GPC5: variants seen among roughly 807,000 people sequenced by gnomAD.
GPC5 encodes the protein glypican 5.
Under a neutral mutation model 53.9 loss-of-function variants are expected in GPC5, and 47 were observed. The ratio of observed to expected loss-of-function variants is 0.87; its 90% CI spans 0.69 to 1.11. The LOEUF is 1.11. Ranked by LOEUF, GPC5 falls within the 50% of genes most tolerant of loss-of-function variation. The probability of loss-of-function intolerance (pLI) is 0.00; values close to 1 mark genes in which losing one functional copy is unlikely to be tolerated. For synonymous variants in GPC5, 286 were observed against 263.3 expected, an observed-to-expected ratio of 1.09 and a Z score of -0.84; for missense variants, 748 against 713.1, an observed-to-expected ratio of 1.05 and a Z score of -0.56.
chr13:91,946,594 G>A (rs1198481724), intron 6 of GPC5, among the ~76,000 whole-genome samples: 3 of 152,004 alleles, frequency 2.0e-5, no homozygotes, highest in Non-Finnish European at 4.4e-5. Flanking sequence ...ATTTACCTAC[G>A]TAGGTGCAAA....
rs144949785 is a variant in GPC5 at position 91,459,406 on chromosome 13, G to A, written c.325+10484G>A. On this transcript the variant is annotated intron_variant, in intron 2 of 7. Transcript: ENST00000377067. ...GGTGACTTGGGTGTTTGCAGTGGAG[G>A]TGGCAAGATGTGGTCAGCTTCTATA... Among the ~76,000 whole-genome samples the A allele has an allele frequency of 1.0e-3, 153 of 152,208 alleles. 1 individual carries two copies. The highest frequency in any genetic ancestry group is 3.6e-3 in the African/African-American group (150 of 41,550).
At chr13:91,560,105 G>C (rs1351364406) in intron 2 of GPC5, among the ~76,000 whole-genome samples, 5 of 151,988 alleles carry the variant, frequency 3.3e-5, no homozygotes, top group African/African-American at 1.2e-4. Flanking sequence ...AGCTTACTTG[G>C]TTGGTTTCCT....
At chr13:92,565,817 G>C (rs1465913663) in intron 7 of GPC5, among the ~76,000 whole-genome samples, 1 of 151,880 alleles carries the variant, frequency 6.6e-6, no homozygotes, top group Non-Finnish European at 1.5e-5. Flanking sequence ...TTTATATAAA[G>C]ATGATACATT....
chr13:91,711,239 A>G (rs2036218782), intron 3 of GPC5, among the ~76,000 whole-genome samples: 1 of 152,214 alleles, frequency 6.6e-6, no homozygotes. Flanking sequence ...GATTAAGAAA[A>G]TGTGGCACAT....
intron 7 of GPC5, among the ~76,000 whole-genome samples, chr13:92,258,591 A>T (rs925159051): frequency 6.6e-6 from 1 of 152,216 alleles, no homozygotes; most frequent in Non-Finnish European, 1.5e-5. Context: ...TCTATAAGAT[A>T]GCTCTAAATA....
At chr13:92,419,114 A>C (rs1205401902) in intron 7 of GPC5, among the ~76,000 whole-genome samples, 1 of 152,210 alleles carries the variant, frequency 6.6e-6, no homozygotes, top group Admixed American at 6.5e-5. Context: ...CTAGTTATGC[A>C]TATAAGCTGC....
chr13:92,633,073 T>G (rs1885305667), intron 7 of GPC5, among the ~76,000 whole-genome samples: 1 of 152,110 alleles, frequency 6.6e-6, no homozygotes, highest in Non-Finnish European at 1.5e-5. Context: ...GTATTTTTAG[T>G]AAAGACGGGG....
intron 2 of GPC5, among the ~76,000 whole-genome samples, chr13:91,636,447 G>A (rs115011410): frequency 0.012 from 1,813 of 149,190 alleles, 20 homozygotes; most frequent in African/African-American, 0.034. Flanking sequence ...ATTTGTGTGT[G>A]TGTATTTGTG....
intron 6 of GPC5, among the ~76,000 whole-genome samples, chr13:91,973,795 A>G (rs909756121): frequency 6.6e-6 from 1 of 152,126 alleles, no homozygotes; most frequent in African/African-American, 2.4e-5. Context: ...GCTGTAGAAC[A>G]GTGGATTTTG....
intron 6 of GPC5, among the ~76,000 whole-genome samples, chr13:91,944,426 T>C (rs921106986): frequency 4.6e-5 from 7 of 152,204 alleles, no homozygotes; most frequent in Admixed American, 4.6e-4. Flanking sequence ...TATTTGCCTT[T>C]GTGCCATTTA....
At chr13:92,700,103 T>C (rs182272155) in intron 7 of GPC5, among the ~76,000 whole-genome samples, 1 of 152,296 alleles carries the variant, frequency 6.6e-6, no homozygotes, top group East Asian at 1.9e-4. Context: ...TTTATGAATC[T>C]GGGTGCTCTT....
intron 7 of GPC5, among the ~76,000 whole-genome samples, chr13:92,754,413 T>G (rs1055321535): frequency 1.3e-5 from 2 of 152,022 alleles, no homozygotes; most frequent in Non-Finnish European, 2.9e-5. Flanking sequence ...AGGAAGAAAC[T>G]GCATCAACTA....
intron 2 of GPC5, among the ~76,000 whole-genome samples, chr13:91,488,160 G>A (rs760846174): frequency 1.3e-5 from 2 of 152,022 alleles, no homozygotes; most frequent in Admixed American, 1.3e-4. Flanking sequence ...TGGCATATAT[G>A]GTCATGATGA....
At chr13:91,992,620 G>C (rs2040467411) in intron 6 of GPC5, among the ~76,000 whole-genome samples, 1 of 151,976 alleles carries the variant, frequency 6.6e-6, no homozygotes, top group South Asian at 2.1e-4. Flanking sequence ...ACCATGCCTG[G>C]CTAATTTTTG....
chr13:92,151,434 C>A (rs1158880992), intron 7 of GPC5, among the ~76,000 whole-genome samples: 1 of 151,986 alleles, frequency 6.6e-6, no homozygotes, highest in Non-Finnish European at 1.5e-5. Context: ...CTCTAAAATA[C>A]TCTCTATTAA....
chr13:91,996,110 C>G (rs1438275287), intron 6 of GPC5: 1 of 152,186 alleles, frequency 6.6e-6, no homozygotes, highest in Non-Finnish European at 1.5e-5. Flanking sequence ...TCCTTTAGAT[C>G]TTTCATTGTT....
At chr13:92,288,288 T>G (rs1341411161) in intron 7 of GPC5, among the ~76,000 whole-genome samples, 1 of 152,206 alleles carries the variant, frequency 6.6e-6, no homozygotes, top group Non-Finnish European at 1.5e-5. Flanking sequence ...TTTCTTTTAT[T>G]TTTGTGAATG....
intron 7 of GPC5, among the ~76,000 whole-genome samples, chr13:92,311,562 G>A (rs892812327): frequency 6.6e-6 from 1 of 152,168 alleles, no homozygotes; most frequent in African/African-American, 2.4e-5. Context: ...GTGAAGCATG[G>A]CTGGGGAGGC....
intron 7 of GPC5, among the ~76,000 whole-genome samples, chr13:92,235,073 A>G (rs1000218527): frequency 6.6e-6 from 1 of 152,202 alleles, no homozygotes; most frequent in African/African-American, 2.4e-5. Flanking sequence ...AAGTCAACCA[A>G]TTGACATGAA....
Sources: gnomAD v4.1 joint callset for allele counts (sites outside exome capture counted in the v4.1 genomes callset) on GRCh38, gnomAD v4.1.1 for gene constraint, MANE v1.5 for transcripts, NCBI Gene and HGNC (gene_info 2026-07-23, HGNC 2026-07-21) for gene names.